The following CDKAL1 variants were observed in gnomAD, a reference collection of about 807,000 sequenced individuals.
CDKAL1 encodes the protein threonylcarbamoyladenosine tRNA methylthiotransferase.
CDKAL1 carries 32 observed loss-of-function variants against 68.2 expected under a neutral mutation model. That is an observed-to-expected ratio of 0.47 (90% CI 0.35 to 0.63). The LOEUF is 0.63. Ranked by LOEUF, CDKAL1 falls within the 30% of genes least tolerant of loss-of-function variation. CDKAL1 has a pLI of 0.00. For synonymous variants in CDKAL1, 234 were observed against 244.3 expected, an observed-to-expected ratio of 0.96 and a Z score of 0.39; for missense variants, 606 against 696.7, an observed-to-expected ratio of 0.87 and a Z score of 1.47.
intron 4 of CDKAL1, among the ~76,000 whole-genome samples, chr6:20,636,985 G>T (rs1160776620): frequency 6.7e-6 from 1 of 150,226 alleles, no homozygotes; most frequent in South Asian, 2.1e-4. Context: ...TGCAGTGAGC[G>T]GAAATCGCAC....
chr6:20,866,903 A>C (rs1348369945), intron 9 of CDKAL1, among the ~76,000 whole-genome samples: 2 of 152,206 alleles, frequency 1.3e-5, no homozygotes, highest in African/African-American at 4.8e-5. Flanking sequence ...TGTTTCTACA[A>C]ACCCATCCTT....
At chr6:20,800,011 A>G (rs1776300660) in intron 8 of CDKAL1, among the ~76,000 whole-genome samples, 1 of 152,278 alleles carries the variant, frequency 6.6e-6, no homozygotes, top group Non-Finnish European at 1.5e-5. Flanking sequence ...TATATTTGGA[A>G]GAATTGCAAA....
intron 12 of CDKAL1, 36 bp from the exon 13 acceptor site, chr6:21,108,365 A>T (rs1326938465): frequency 7.1e-7 from 1 of 1,413,882 alleles, no homozygotes; most frequent in African/African-American, 1.4e-5. Flanking sequence ...AATTGTTTGT[A>T]TGTTGGTTTT....
At chr6:20,857,050 G>A (rs1009130168) in intron 9 of CDKAL1, among the ~76,000 whole-genome samples, 3 of 152,096 alleles carry the variant, frequency 2.0e-5, no homozygotes, top group African/African-American at 7.2e-5. Context: ...AAAATTTCCT[G>A]CCTGGAAAAA....
chr6:20,818,949 G>C (rs979032533), intron 8 of CDKAL1, among the ~76,000 whole-genome samples: 2 of 151,944 alleles, frequency 1.3e-5, no homozygotes, highest in East Asian at 3.8e-4. Context: ...ACTGTTATAG[G>C]AGTGTATTTC....
At chr6:20,949,310 T>C (rs1764408916) in intron 9 of CDKAL1, among the ~76,000 whole-genome samples, 1 of 152,208 alleles carries the variant, frequency 6.6e-6, no homozygotes, top group African/African-American at 2.4e-5. Flanking sequence ...TGCAAGAAAC[T>C]TTGCAACATT....
intron 11 of CDKAL1, among the ~76,000 whole-genome samples, chr6:21,043,308 G>A (rs559728552): frequency 1.3e-5 from 2 of 151,682 alleles, no homozygotes; most frequent in East Asian, 3.9e-4. Flanking sequence ...TAAGTCTTCT[G>A]CCCACATCAC....
At position 20,671,411 on chromosome 6, in the gene CDKAL1, C is replaced by T. The variant is rs534839426; in HGVS notation, c.371+22034C>T. Among the ~76,000 whole-genome samples the T allele has an allele frequency of 3.3e-5, 5 of 152,186 alleles. No individual in the cohort carries two copies. The East Asian group carries it at 9.6e-4, about 29-fold the overall frequency. ...GGCATATGTCACAGGCATATTCTCC[C>T]CTTTTGTCTGCTGTCCTTTTACTTT... On this transcript the variant is annotated intron_variant, in intron 5 of 15. Transcript: ENST00000274695.
chr6:20,576,034 T>C (rs1764893797), intron 4 of CDKAL1, among the ~76,000 whole-genome samples: 1 of 152,234 alleles, frequency 6.6e-6, no homozygotes, highest in Non-Finnish European at 1.5e-5. Context: ...TACCTTAAGT[T>C]GACTTAGCTA....
chr6:20,887,882 CAA>C (rs1286970376), intron 9 of CDKAL1, among the ~76,000 whole-genome samples: 27 of 151,052 alleles, frequency 1.8e-4, no homozygotes, highest in African/African-American at 6.3e-4. Context: ...CTCCTGAGCT[CAA>C]GTGATCCTCC....
At chr6:21,128,160 A>G (rs193029804) in intron 13 of CDKAL1, among the ~76,000 whole-genome samples, 3 of 152,330 alleles carry the variant, frequency 2.0e-5, no homozygotes, top group Non-Finnish European at 2.9e-5. Context: ...TAATATGACC[A>G]TCCTGTTTTT....
chr6:20,710,395 A>C (rs566638231), intron 5 of CDKAL1, among the ~76,000 whole-genome samples: 1 of 152,248 alleles, frequency 6.6e-6, no homozygotes, highest in African/African-American at 2.4e-5. Flanking sequence ...TGCTGTATAG[A>C]TGTGTAGCCT....
intron 8 of CDKAL1, among the ~76,000 whole-genome samples, chr6:20,838,328 G>A (rs1259856807): frequency 2.6e-5 from 4 of 152,076 alleles, no homozygotes; most frequent in Non-Finnish European, 4.4e-5. Flanking sequence ...CAAGTCTGTA[G>A]CACAGTGTCA....
intron 4 of CDKAL1, among the ~76,000 whole-genome samples, chr6:20,572,509 C>CT (rs1214582610): frequency 6.6e-6 from 1 of 152,130 alleles, no homozygotes; most frequent in African/African-American, 2.4e-5. Context: ...AACCCAAACA[C>CT]TTTAAGTTCA....
chr6:20,863,783 T>A (rs1283251621), intron 9 of CDKAL1, among the ~76,000 whole-genome samples: 1 of 152,252 alleles, frequency 6.6e-6, no homozygotes, highest in Non-Finnish European at 1.5e-5. Flanking sequence ...TAGGTAATAT[T>A]TGAAATGAAG....
chr6:21,199,026 CTGA>C (rs1778583869), intron 14 of CDKAL1, among the ~76,000 whole-genome samples: 1 of 152,236 alleles, frequency 6.6e-6, no homozygotes, highest in Non-Finnish European at 1.5e-5. Context: ...GAGATTTTCA[CTGA>C]TCATTCTGGA....
At chr6:21,085,606 T>A (rs532148524) in intron 12 of CDKAL1, among the ~76,000 whole-genome samples, 1 of 152,260 alleles carries the variant, frequency 6.6e-6, no homozygotes, top group South Asian at 2.1e-4. Flanking sequence ...AGGTATGAGA[T>A]GTTTTTAGAA....
chr6:21,111,710 G>A (rs1774128671), intron 13 of CDKAL1, among the ~76,000 whole-genome samples: 1 of 152,150 alleles, frequency 6.6e-6, no homozygotes, highest in Non-Finnish European at 1.5e-5. Flanking sequence ...TTTATTTCTT[G>A]CACTAAGAAA....
At chr6:21,089,068 G>A (rs1018532701) in intron 12 of CDKAL1, among the ~76,000 whole-genome samples, 19 of 152,286 alleles carry the variant, frequency 1.2e-4, no homozygotes, top group South Asian at 2.1e-4. Flanking sequence ...AATTAAAATC[G>A]TAGCATTTAC....
Sources: gnomAD v4.1 joint callset for allele counts (sites outside exome capture counted in the v4.1 genomes callset) on GRCh38, gnomAD v4.1.1 for gene constraint, MANE v1.5 for transcripts, NCBI Gene and HGNC (gene_info 2026-07-23, HGNC 2026-07-21) for gene names.